EHBP1: variants seen among roughly 807,000 people sequenced by gnomAD.
EHBP1 encodes the protein EH domain binding protein 1.
Under a neutral mutation model 144.0 loss-of-function variants are expected in EHBP1, and 55 were observed. The observed-to-expected ratio is 0.38, with a 90% CI of 0.31 to 0.48. The LOEUF (loss-of-function observed/expected upper bound fraction) is 0.48. EHBP1 is among the 20% of genes least tolerant of loss of function. The pLI, the probability that EHBP1 is intolerant of heterozygous loss-of-function variation, is 0.98. For missense variants in EHBP1, 1,200 were observed against 1,364.2 expected (o/e 0.88, Z 1.90); for synonymous variants, 469 against 472.7 (o/e 0.99, Z 0.10).
chr2:62,767,833 CAAA>C (rs1208266767), intron 4 of EHBP1, among the ~76,000 whole-genome samples: 1 of 76,418 alleles, frequency 1.3e-5, no homozygotes, highest in Admixed American at 1.5e-4. Context: ...AAGACTCTGT[CAAA>C]AAAAAAAAAA....
intron 12 of EHBP1, among the ~76,000 whole-genome samples, chr2:62,944,782 C>G: frequency 6.6e-6 from 1 of 152,162 alleles, no homozygotes; most frequent in East Asian, 1.9e-4. Context: ...TCTGTTTACC[C>G]CAGCACACAG....
chr2:62,794,841 T>G (rs2152466748), intron 5 of EHBP1, among the ~76,000 whole-genome samples: 1 of 152,170 alleles, frequency 6.6e-6, no homozygotes, highest in South Asian at 2.1e-4. Flanking sequence ...TTCAAACTAC[T>G]TAAATGTTTT....
chr2:62,791,181 A>G (rs2043146172), intron 5 of EHBP1, among the ~76,000 whole-genome samples: 1 of 152,050 alleles, frequency 6.6e-6, no homozygotes, highest in Non-Finnish European at 1.5e-5. Context: ...GGTTCTATAT[A>G]CCAACTTTAA....
At position 62,707,364 on chromosome 2, in the gene EHBP1, C is replaced by G; in HGVS notation, c.104+69C>G. ...GCATACTGTGGCCTAAACTCTGGGTCTTCTGATAGTATATTTACCTTTCTA... is the reference window on the plus strand; with the variant it reads ...GCATACTGTGGCCTAAACTCTGGGTGTTCTGATAGTATATTTACCTTTCTA... On this transcript the variant is annotated intron_variant, in intron 2 of 22. Coordinates refer to ENST00000431489, the MANE Select transcript of EHBP1 (RefSeq NM_001142616.3). 3.5e-6 allele frequency: 4 copies of G among 1,139,554 alleles called. No homozygotes were observed. The Admixed American group carries it at 6.8e-5, about 19-fold the overall frequency. The allele number at this position is 1,139,554 out of a possible 1,614,324, so 70.6% of individuals were successfully genotyped here.
At chr2:62,770,755 C>T (rs2152355669) in intron 4 of EHBP1, among the ~76,000 whole-genome samples, 1 of 152,254 alleles carries the variant, frequency 6.6e-6, no homozygotes, top group South Asian at 2.1e-4. Flanking sequence ...ATGGAATCAA[C>T]CTAAATGCCC....
chr2:62,958,633 A>G (rs2057840450), intron 14 of EHBP1, among the ~76,000 whole-genome samples: 1 of 152,230 alleles, frequency 6.6e-6, no homozygotes, highest in Non-Finnish European at 1.5e-5. Flanking sequence ...AGGTATATAC[A>G]TTTGTTAAAA....
At chr2:62,835,646 G>A (rs1325037170) in intron 7 of EHBP1, among the ~76,000 whole-genome samples, 2 of 151,862 alleles carry the variant, frequency 1.3e-5, no homozygotes, top group Admixed American at 6.5e-5. Flanking sequence ...CACCGTGCGC[G>A]AGCCGAAGCA....
intron 5 of EHBP1, among the ~76,000 whole-genome samples, chr2:62,788,328 G>A (rs965152580): frequency 2.6e-5 from 4 of 151,708 alleles, no homozygotes; most frequent in African/African-American, 9.7e-5. Context: ...GTCATAATTC[G>A]TATGTGTTGT....
chr2:62,719,905 C>G (rs1158644866), intron 2 of EHBP1, among the ~76,000 whole-genome samples: 1 of 152,086 alleles, frequency 6.6e-6, no homozygotes, highest in Non-Finnish European at 1.5e-5. Flanking sequence ...GAAGACTGTA[C>G]TAGCTTGAGG....
At chr2:62,870,630 C>T (rs1039159536) in intron 9 of EHBP1, among the ~76,000 whole-genome samples, 17 of 147,818 alleles carry the variant, frequency 1.2e-4, no homozygotes, top group Admixed American at 7.6e-4. Context: ...GTGGGAGAAT[C>T]GCTTGAATCT....
intron 7 of EHBP1, among the ~76,000 whole-genome samples, chr2:62,854,844 G>A (rs1346190943): frequency 3.3e-5 from 5 of 152,238 alleles, no homozygotes; most frequent in African/African-American, 7.2e-5. Context: ...AGCAGCTGGC[G>A]GGAACTGGGG....
At chr2:62,781,418 T>C (rs978765298) in intron 5 of EHBP1, among the ~76,000 whole-genome samples, 16 of 152,236 alleles carry the variant, frequency 1.1e-4, no homozygotes, top group Non-Finnish European at 1.6e-4. Context: ...TTCCACTTAG[T>C]GTAAATGTTT....
At chr2:62,756,621 G>T (rs999601750) in intron 3 of EHBP1, among the ~76,000 whole-genome samples, 4 of 151,984 alleles carry the variant, frequency 2.6e-5, no homozygotes, top group African/African-American at 9.7e-5. Context: ...AATACAAAAT[G>T]AGCTGGAAGT....
At chr2:62,855,203 C>G (rs905751293) in intron 7 of EHBP1, among the ~76,000 whole-genome samples, 2 of 152,244 alleles carry the variant, frequency 1.3e-5, no homozygotes, top group African/African-American at 2.4e-5. Context: ...CTATTGGCAC[C>G]TGCTCCAATC....
rs554717425 is a variant in EHBP1, at chr2:62,953,047, T to C, written c.2317-2470T>C. Among the ~76,000 whole-genome samples, 11 of 151,836 alleles carry C rather than the reference T, an allele frequency of 7.2e-5. No individual in the cohort carries two copies. The South Asian group carries it at 2.3e-3, about 32-fold the overall frequency. On this transcript the variant is annotated intron_variant, in intron 13 of 22. Transcript: ENST00000431489. Reference sequence around the variant, plus strand: ...CAGCCTGACCAACATGGAGAAACCCTGTCTCTACTAAAAATATGAAATTAG... The same window carrying C: ...CAGCCTGACCAACATGGAGAAACCCCGTCTCTACTAAAAATATGAAATTAG...
At chr2:63,036,436 G>A (rs2061444448) in intron 19 of EHBP1, among the ~76,000 whole-genome samples, 1 of 151,910 alleles carries the variant, frequency 6.6e-6, no homozygotes, top group Non-Finnish European at 1.5e-5. Flanking sequence ...GGGGTTGGTG[G>A]AAGAGGGCTA....
chr2:62,994,011 T>C, intron 18 of EHBP1, 34 bp downstream of exon 18: 1 of 1,421,010 alleles, frequency 7.0e-7, no homozygotes, highest in Non-Finnish European at 9.6e-7. Context: ...TCATGATTGC[T>C]GATAATTCCA....
chr2:62,735,103 C>T (rs896122809), intron 2 of EHBP1, among the ~76,000 whole-genome samples: 5 of 152,162 alleles, frequency 3.3e-5, no homozygotes, highest in African/African-American at 1.2e-4. Context: ...CTGTGTTGCT[C>T]AGGCTGGCCT....
intron 19 of EHBP1, among the ~76,000 whole-genome samples, chr2:63,023,886 C>T (rs77170051): frequency 0.017 from 2,639 of 152,116 alleles, 81 homozygotes; most frequent in African/African-American, 0.061. Context: ...AATTTTAGTG[C>T]TTTAAAAAAT....
Sources: gnomAD v4.1 joint callset for allele counts (sites outside exome capture counted in the v4.1 genomes callset) on GRCh38, gnomAD v4.1.1 for gene constraint, MANE v1.5 for transcripts, NCBI Gene and HGNC (gene_info 2026-07-23, HGNC 2026-07-21) for gene names.